The following EYS variants were observed in gnomAD, a reference collection of about 807,000 sequenced individuals.
EYS encodes the protein EGF-like photoreceptor maintenance factor.
EYS carries 250 observed loss-of-function variants against 282.1 expected under a neutral mutation model. The ratio of observed to expected loss-of-function variants is 0.89; its 90% CI spans 0.80 to 0.98. The LOEUF is 0.98. EYS is among the 50% of genes least tolerant of loss of function. EYS has a pLI of 0.00. For synonymous variants in EYS, 1,355 were observed against 1,282.9 expected (o/e 1.06, Z -1.20); for missense variants, 4,016 against 3,709.0 (o/e 1.08, Z -2.15).
intron 1 of EYS, among the ~76,000 whole-genome samples, chr6:65,659,995 C>G (rs1196985068): frequency 6.6e-6 from 1 of 151,598 alleles, no homozygotes; most frequent in Non-Finnish European, 1.5e-5. Flanking sequence ...TGACTAGTCA[C>G]ATAAACTGGT....
At chr6:65,191,917 A>C (rs1049634261) in intron 12 of EYS, among the ~76,000 whole-genome samples, 4 of 151,488 alleles carry the variant, frequency 2.6e-5, no homozygotes, top group African/African-American at 9.7e-5. Flanking sequence ...TCAGTGGTTA[A>C]CTTAAGGGTA....
intron 8 of EYS, among the ~76,000 whole-genome samples, chr6:65,375,052 T>C (rs1296069090): frequency 1.3e-5 from 2 of 152,128 alleles, no homozygotes; most frequent in African/African-American, 2.4e-5. Context: ...GACTGCCTCC[T>C]CAAGTGGGTT....
At chr6:65,376,068 T>G (rs1432014932) in intron 8 of EYS, among the ~76,000 whole-genome samples, 1 of 152,022 alleles carries the variant, frequency 6.6e-6, no homozygotes, top group African/African-American at 2.4e-5. Context: ...CCAAGACAAA[T>G]AATTCTCAGA....
chr6:65,159,220 CA>C (rs1386379689), intron 12 of EYS, among the ~76,000 whole-genome samples: 1 of 150,774 alleles, frequency 6.6e-6, no homozygotes. Flanking sequence ...TATTGAGATC[CA>C]TTATAGATAG....
intron 5 of EYS, among the ~76,000 whole-genome samples, chr6:65,471,037 T>G (rs1206361372): frequency 3.3e-5 from 5 of 151,922 alleles, no homozygotes; most frequent in African/African-American, 4.8e-5. Context: ...CTTGGGAGAC[T>G]GAGGCAGGAG....
intron 12 of EYS, among the ~76,000 whole-genome samples, chr6:65,131,777 A>T (rs1050874086): frequency 6.6e-6 from 1 of 152,014 alleles, no homozygotes; most frequent in Non-Finnish European, 1.5e-5. Flanking sequence ...AAGATCAACA[A>T]ATCCAGGAGT....
intron 12 of EYS, among the ~76,000 whole-genome samples, chr6:65,215,735 G>A (rs1032665947): frequency 6.6e-6 from 1 of 152,240 alleles, no homozygotes; most frequent in African/African-American, 2.4e-5. Flanking sequence ...GTTGTGTTAT[G>A]TTAAGATTTG....
intron 12 of EYS, among the ~76,000 whole-genome samples, chr6:65,158,228 C>G (rs1177815223): frequency 6.6e-6 from 1 of 150,818 alleles, no homozygotes; most frequent in Non-Finnish European, 1.5e-5. Context: ...CTGCATAAAA[C>G]AACCAAATAT....
At chr6:64,388,930 T>C in intron 28 of EYS, 90 bp from the exon 29 acceptor site, 2 of 847,452 alleles carry the variant, frequency 2.4e-6, no homozygotes, top group Non-Finnish European at 1.7e-6. Flanking sequence ...AAAGAATAAT[T>C]TAAGTAAATA....
intron 33 of EYS, among the ~76,000 whole-genome samples, chr6:64,014,302 T>G (rs1366117196): frequency 1.3e-5 from 2 of 152,154 alleles, no homozygotes; most frequent in Non-Finnish European, 2.9e-5. Context: ...TGCCATTTTT[T>G]TTTTTACAAA....
At chr6:64,586,936 A>C (rs902935000) in intron 26 of EYS, among the ~76,000 whole-genome samples, 1 of 152,130 alleles carries the variant, frequency 6.6e-6, no homozygotes, top group Non-Finnish European at 1.5e-5. Flanking sequence ...AAAGAATGAC[A>C]AATTGCTAGA....
chr6:63,932,526 G>T (rs7758250), intron 35 of EYS, among the ~76,000 whole-genome samples: 49,121 of 151,766 alleles, frequency 0.32, 8,084 homozygotes, highest in Admixed American at 0.39. Context: ...CCTCCTTCAG[G>T]GAATTTTTTA....
chr6:65,648,314 A>ATGTGTGTG (rs58196369), intron 1 of EYS, among the ~76,000 whole-genome samples: 12 of 147,894 alleles, frequency 8.1e-5, no homozygotes, highest in South Asian at 4.4e-4. Context: ...AAGAAAATAT[A>ATGTGTGTG]TGTGTGTGTG....
intron 11 of EYS, among the ~76,000 whole-genome samples, chr6:65,301,368 T>G (rs1474227339): frequency 6.6e-6 from 1 of 152,192 alleles, no homozygotes; most frequent in African/African-American, 2.4e-5. Context: ...CATCGCGTCA[T>G]AGAGGAACTA....
At chr6:65,630,031 A>G in intron 2 of EYS, among the ~76,000 whole-genome samples, 1 of 152,204 alleles carries the variant, frequency 6.6e-6, no homozygotes, top group East Asian at 1.9e-4. Flanking sequence ...AAGGTACAGA[A>G]CTGGATTGCT....
Position 64,439,164 on chromosome 6 carries a change from T to G in EYS, c.5833A>C (p.Lys1945Gln). Residue 1945 changes from lysine to glutamine, a missense_variant and splice_region_variant, in exon 27 of 43, where the codon AAG becomes CAG. Physicochemically the swap from Lys to Gln is moderately conservative, Grantham distance 53. Transcript: ENST00000503581. ...ATTAAATGAACTGAATAACTTACCT[T>G]TAAAGTACCATTTTCAATAAACAAT... ...IQLFIENGTL[K>Q]YHFYCPGEAK... 7.0e-7 allele frequency: 1 copy of G among 1,428,558 alleles called. No individual in the cohort carries two copies. The highest frequency in any genetic ancestry group is 1.5e-5 in the South Asian group (1 of 67,948). The allele number at this position is 1,428,558 out of a possible 1,614,324, so 88.5% of individuals were successfully genotyped here. A position where few individuals can be genotyped will look rare whatever the true frequency, so the allele number is the denominator to read the frequency against.
chr6:64,125,154 G>GCGCGCGC (rs1773724746), intron 31 of EYS, among the ~76,000 whole-genome samples: 1 of 145,264 alleles, frequency 6.9e-6, no homozygotes, highest in African/African-American at 2.6e-5. Context: ...CACACTCTCT[G>GCGCGCGC]TCTCTCTCTC....
At chr6:65,580,978 C>T (rs1764846121) in intron 2 of EYS, among the ~76,000 whole-genome samples, 1 of 151,932 alleles carries the variant, frequency 6.6e-6, no homozygotes, top group Admixed American at 6.6e-5. Flanking sequence ...TATAATTTGA[C>T]ATATTTTAAT....
Position 65,669,899 on chromosome 6 carries a change from G to A in EYS, c.-447-30007C>T, listed in dbSNP as rs79364381. ...TTAGTTTTTTCTCCTGTAAAATGAT[G>A]ACAATAATGTTTATAACATATACTT... On this transcript the variant is annotated intron_variant, in intron 1 of 42. Transcript: ENST00000503581. Among the ~76,000 whole-genome samples, 474 of 152,022 alleles carry A rather than the reference G, an allele frequency of 3.1e-3. 10 individuals carry two copies. The East Asian group carries it at 0.059, about 19-fold the overall frequency.
Sources: gnomAD v4.1 joint callset for allele counts (sites outside exome capture counted in the v4.1 genomes callset) on GRCh38, gnomAD v4.1.1 for gene constraint, MANE v1.5 for transcripts, NCBI Gene and HGNC (gene_info 2026-07-23, HGNC 2026-07-21) for gene names.